Variants in SH3RF2 observed in about 807,000 individuals in gnomAD.
SH3RF2 encodes SH3 domain containing ring finger 2, also known as E3 ubiquitin-protein ligase SH3RF2.
A neutral mutation model predicts 59.0 loss-of-function variants in SH3RF2; 43 were observed. The observed-to-expected ratio is 0.73, with a 90% confidence interval of 0.57 to 0.94. SH3RF2 has a LOEUF of 0.94. SH3RF2 is among the 40% of genes least tolerant of loss of function. The pLI, the probability that SH3RF2 is intolerant of heterozygous loss-of-function variation, is 0.00. For synonymous variants in SH3RF2, 391 were observed against 391.5 expected (o/e 1.00, Z 0.01); for missense variants, 930 against 940.1 (o/e 0.99, Z 0.14).
At chr5:145,943,388 A>G (rs1369628326) in intron 2 of SH3RF2, among the ~76,000 whole-genome samples, 1 of 152,228 alleles carries the variant, frequency 6.6e-6, no homozygotes, top group African/African-American at 2.4e-5. Flanking sequence ...GAACTGTTAC[A>G]TATCCTGATT....
intron 2 of SH3RF2, among the ~76,000 whole-genome samples, chr5:145,970,640 C>T (rs983248046): frequency 6.6e-6 from 1 of 152,136 alleles, no homozygotes; most frequent in African/African-American, 2.4e-5. Context: ...CATTGTATTT[C>T]CTACCCTCCA....
At chr5:146,057,980 C>CTATATA (rs1196213101) in intron 8 of SH3RF2, among the ~76,000 whole-genome samples, 9 of 129,406 alleles carry the variant, frequency 7.0e-5, no homozygotes, top group African/African-American at 2.2e-4. Context: ...ATCTATCTAT[C>CTATATA]TATCTATATA....
chr5:145,994,189 G>T (rs1760062282), intron 2 of SH3RF2, among the ~76,000 whole-genome samples: 2 of 152,114 alleles, frequency 1.3e-5, no homozygotes, highest in Admixed American at 1.3e-4. Context: ...CTCCATCTGA[G>T]ACCACCTCAG....
At chr5:146,046,598 G>T (rs1423168495) in intron 5 of SH3RF2, among the ~76,000 whole-genome samples, 1 of 152,086 alleles carries the variant, frequency 6.6e-6, no homozygotes, top group African/African-American at 2.4e-5. Flanking sequence ...CTACAAGTAC[G>T]TATTGAGCAT....
At chr5:145,970,829 G>T in intron 2 of SH3RF2, among the ~76,000 whole-genome samples, 1 of 152,082 alleles carries the variant, frequency 6.6e-6, no homozygotes, top group Admixed American at 6.5e-5. Flanking sequence ...TAACCTTATA[G>T]AATTGGTGTA....
chr5:146,023,288 G>A (rs1308905014), intron 5 of SH3RF2, among the ~76,000 whole-genome samples: 7 of 151,638 alleles, frequency 4.6e-5, no homozygotes, highest in Admixed American at 2.6e-4. Flanking sequence ...GGCTCACTGC[G>A]ACCTCCGCCT....
At chr5:145,943,075 A>G (rs1041519530) in intron 2 of SH3RF2, among the ~76,000 whole-genome samples, 8 of 151,714 alleles carry the variant, frequency 5.3e-5, no homozygotes, top group Non-Finnish European at 7.4e-5. Flanking sequence ...ATACATATAT[A>G]TAATATATAT....
At chr5:145,945,139 A>G (rs188606045) in intron 2 of SH3RF2, among the ~76,000 whole-genome samples, 1 of 152,196 alleles carries the variant, frequency 6.6e-6, no homozygotes. Flanking sequence ...CTATTTAGTT[A>G]TAGTTCTTAG....
intron 2 of SH3RF2, among the ~76,000 whole-genome samples, chr5:145,989,741 T>C (rs1477445008): frequency 6.6e-6 from 1 of 152,140 alleles, no homozygotes; most frequent in Non-Finnish European, 1.5e-5. Flanking sequence ...GTGGGAAGCA[T>C]TGCCAGGGTG....
At chr5:146,043,352 A>T (rs6889715) in intron 5 of SH3RF2, among the ~76,000 whole-genome samples, 1 of 151,996 alleles carries the variant, frequency 6.6e-6, no homozygotes, top group Non-Finnish European at 1.5e-5. Context: ...GCTGCCCTCT[A>T]TGAAGCTGAG....
intron 2 of SH3RF2, among the ~76,000 whole-genome samples, chr5:145,963,601 T>C (rs896594694): frequency 2.0e-5 from 3 of 152,146 alleles, no homozygotes; most frequent in African/African-American, 4.8e-5. Context: ...ATTTAAACTA[T>C]TGCACAAGAA....
chr5:145,982,418 C>T (rs1038907204), intron 2 of SH3RF2, among the ~76,000 whole-genome samples: 2 of 152,190 alleles, frequency 1.3e-5, no homozygotes, highest in African/African-American at 2.4e-5. Flanking sequence ...AGCCGAGGAT[C>T]CATGTCGAGA....
intron 4 of SH3RF2, among the ~76,000 whole-genome samples, chr5:146,005,424 C>G (rs1337304189): frequency 6.6e-6 from 1 of 152,150 alleles, no homozygotes; most frequent in Non-Finnish European, 1.5e-5. Context: ...TGAAACAGAA[C>G]AGACCACAGT....
At chr5:145,984,663 T>C (rs1302724218) in intron 2 of SH3RF2, among the ~76,000 whole-genome samples, 4 of 152,216 alleles carry the variant, frequency 2.6e-5, no homozygotes, top group Non-Finnish European at 2.9e-5. Flanking sequence ...TTATGTCCAG[T>C]GGACAAATGG....
chr5:145,937,085 T>C (rs1461905603), intron 1 of SH3RF2: 1 of 150,876 alleles, frequency 6.6e-6, no homozygotes, highest in Non-Finnish European at 1.5e-5. Context: ...TTGAGAACAA[T>C]GTCAAAGTAA....
At chr5:146,055,437 C>G (rs1230824530) in intron 7 of SH3RF2, among the ~76,000 whole-genome samples, 1 of 152,238 alleles carries the variant, frequency 6.6e-6, no homozygotes. Context: ...AGTAAGCACT[C>G]TATATGTGTT....
intron 5 of SH3RF2, among the ~76,000 whole-genome samples, chr5:146,014,436 A>T (rs1409238909): frequency 1.3e-5 from 2 of 152,180 alleles, no homozygotes. Context: ...GTGTTTTGGC[A>T]TCACAATCTG....
intron 2 of SH3RF2, among the ~76,000 whole-genome samples, chr5:145,949,631 AG>A (rs1376215079): frequency 6.6e-6 from 1 of 152,214 alleles, no homozygotes; most frequent in Non-Finnish European, 1.5e-5. Context: ...GCTGAGAGAA[AG>A]CCGAGTAGAT....
downstream of SH3RF2, among the ~76,000 whole-genome samples, chr5:146,067,207 A>T (rs1763128032): frequency 6.6e-6 from 1 of 152,162 alleles, no homozygotes; most frequent in African/African-American, 2.4e-5. Context: ...CTGACTCAAA[A>T]CATGGCTCAG....
Sources: allele counts gnomAD v4.1 joint callset (sites outside exome capture counted in the v4.1 genomes callset), GRCh38; gene constraint gnomAD v4.1.1; transcripts MANE v1.5; gene names NCBI Gene and HGNC (gene_info 2026-07-23, HGNC 2026-07-21).